ADGRG2: variants seen among roughly 807,000 people sequenced by gnomAD.
ADGRG2 encodes G protein-coupled receptor 64.
A neutral mutation model predicts 74.1 loss-of-function variants in ADGRG2; 26 were observed. The ratio of observed to expected loss-of-function variants is 0.35; its 90% CI spans 0.26 to 0.49. The LOEUF (loss-of-function observed/expected upper bound fraction) is 0.49. Ranked by LOEUF, ADGRG2 falls within the 20% of genes least tolerant of loss-of-function variation. The probability of loss-of-function intolerance (pLI) is 0.99; values close to 1 mark genes in which losing one functional copy is unlikely to be tolerated. For synonymous variants in ADGRG2, 296 were observed against 295.2 expected (o/e 1.00, Z -0.03); for missense variants, 619 against 763.1 (o/e 0.81, Z 2.22).
intron 1 of ADGRG2, among the ~76,000 whole-genome samples, chrX:19,107,875 C>A (rs1476567840): frequency 1.9e-5 from 2 of 107,921 alleles, no homozygotes; most frequent in Admixed American, 2.0e-4. Flanking sequence ...CTGAGGCGGG[C>A]GGATCACAAA....
chrX:19,068,739 G>A lies in ADGRG2; in HGVS notation c.96C>T (p.Val32=), dbSNP rs777426286. The change falls in exon 3 of 29, where the codon GTC becomes GTT. Residue 32 remains valine, a synonymous_variant. Coordinates refer to ENST00000379869, the MANE Select transcript of ADGRG2 (RefSeq NM_001079858.3). The part of the protein sequence containing the change: ...KIFLVIICLH[V]VLVTSLEEDT... ...TACCTTCCAGGGATGTTACCAGAACGACATGAAGACAAATGATGACAAGGA... is the reference window on the plus strand; with the variant it reads ...TACCTTCCAGGGATGTTACCAGAACAACATGAAGACAAATGATGACAAGGA... 9.2e-7 allele frequency: 1 copy of A among 1,083,792 alleles called. No individual in the cohort carries two copies. Among genetic ancestry groups the A allele is most frequent in the Admixed American group, 2.3e-5 (1 of 43,288 alleles). The allele number at this position is 1,083,792 out of a possible 1,213,427, so 89.3% of individuals were successfully genotyped here.
intron 3 of ADGRG2, among the ~76,000 whole-genome samples, chrX:19,043,462 GA>G (rs2061112789): frequency 8.9e-6 from 1 of 111,867 alleles, no homozygotes; most frequent in Admixed American, 9.5e-5. Context: ...CATAAACAAA[GA>G]AAGGAAAAAC....
At chrX:19,000,416 C>T (rs1322828043) in intron 24 of ADGRG2, among the ~76,000 whole-genome samples, 1 of 112,077 alleles carries the variant, frequency 8.9e-6, no homozygotes, top group Non-Finnish European at 1.9e-5. Context: ...CTCTTTGGCA[C>T]ATGACTGGAT....
chrX:19,022,575 A>T (rs1316009096), intron 13 of ADGRG2, among the ~76,000 whole-genome samples: 1 of 111,996 alleles, frequency 8.9e-6, no homozygotes, highest in African/African-American at 3.2e-5. Context: ...CGGTTTACAC[A>T]GCCAGGATAG....
At chrX:19,016,634 C>T (rs746832379) in intron 15 of ADGRG2, among the ~76,000 whole-genome samples, 6 of 107,706 alleles carry the variant, frequency 5.6e-5, no homozygotes, top group Non-Finnish European at 1.2e-4. Context: ...CATGCTGGTG[C>T]GCTGCACCCA....
chrX:19,085,292 C>T (rs748944993), intron 1 of ADGRG2, among the ~76,000 whole-genome samples: 5 of 111,546 alleles, frequency 4.5e-5, no homozygotes, highest in Non-Finnish European at 7.5e-5. Context: ...AATATATATA[C>T]GAGGACTTGT....
chrX:19,037,743 C>T, intron 4 of ADGRG2, 107 bp from the exon 5 acceptor site: 1 of 520,561 alleles, frequency 1.9e-6, no homozygotes, highest in South Asian at 3.4e-5. Context: ...AGAAAACACA[C>T]TAGCAGACCA....
At chrX:19,076,237 G>A (rs898505061) in intron 2 of ADGRG2, among the ~76,000 whole-genome samples, 6 of 111,701 alleles carry the variant, frequency 5.4e-5, no homozygotes, top group Admixed American at 3.8e-4. Context: ...GTTTGGATTG[G>A]GAATTCCAGG....
chrX:19,088,642 C>T (rs754817910), intron 1 of ADGRG2, among the ~76,000 whole-genome samples: 1 of 110,951 alleles, frequency 9.0e-6, no homozygotes, highest in African/African-American at 3.3e-5. Context: ...CACATGCCAC[C>T]ACACCCAGCT....
At chrX:19,114,398 T>C (rs1367773955) in intron 1 of ADGRG2, among the ~76,000 whole-genome samples, 15 of 111,352 alleles carry the variant, frequency 1.3e-4, no homozygotes, top group Non-Finnish European at 2.8e-4. Context: ...GCAGGCCATG[T>C]TGAAGGTCCA....
rs181316984 is a variant in ADGRG2 at position 19,029,472 on chromosome X, C to T, written c.359-1234G>A. 2.7e-3 allele frequency among the ~76,000 whole-genome samples: 296 copies of T among 111,169 alleles called. 2 individuals are homozygous for T. Among genetic ancestry groups the T allele is most frequent in the African/African-American group, 9.2e-3 (283 of 30,616 alleles). ...CAGCCTGACTCTTGGTCAGCTCCCA[C>T]TTTCTTCACCAGCCTCCATTTTCCT... On this transcript the variant is annotated intron_variant, in intron 9 of 28. Transcript: ENST00000379869.
intron 20 of ADGRG2, 116 bp downstream of exon 20, chrX:19,007,119 C>T: frequency 1.4e-6 from 1 of 720,376 alleles, no homozygotes; most frequent in Non-Finnish European, 2.1e-6. Flanking sequence ...GCAAACTACT[C>T]CAGCTGAGCT....
chrX:19,103,459 C>A (rs1046282969), intron 1 of ADGRG2, among the ~76,000 whole-genome samples: 1 of 111,785 alleles, frequency 8.9e-6, no homozygotes, highest in African/African-American at 3.2e-5. Flanking sequence ...GCTCTGCCTA[C>A]GGAGCAAACA....
chrX:19,104,476 G>A lies in ADGRG2; in HGVS notation c.-47+17966C>T, dbSNP rs747771870. 9.4e-4 allele frequency among the ~76,000 whole-genome samples: 105 copies of A among 112,036 alleles called. 1 individual carries two copies. Among genetic ancestry groups the A allele is most frequent in the Middle Eastern group, 4.6e-3 (1 of 216 alleles). On this transcript the variant is annotated intron_variant, in intron 1 of 28. Transcript: ENST00000379869. ...CAGCCATCTGACTGTTTGGTGTCAC[G>A]CAGACAAAATATCTAGATACTGGTG...
intron 25 of ADGRG2, 130 bp from the exon 26 acceptor site, chrX:18,999,409 A>C: frequency 1.8e-6 from 1 of 541,629 alleles, no homozygotes; most frequent in Non-Finnish European, 2.9e-6. Context: ...AAAAAATGAT[A>C]AAACTGCTAT....
chrX:19,026,885 T>C (rs1202087876), intron 11 of ADGRG2, among the ~76,000 whole-genome samples: 1 of 112,115 alleles, frequency 8.9e-6, no homozygotes, highest in Non-Finnish European at 1.9e-5. Flanking sequence ...CTCTGACTTA[T>C]GAATCACTGA....
chrX:19,094,195 T>C (rs773144278), intron 1 of ADGRG2, among the ~76,000 whole-genome samples: 2 of 110,409 alleles, frequency 1.8e-5, no homozygotes, highest in African/African-American at 6.6e-5. Flanking sequence ...TAGATGGACA[T>C]ACAGTATGGA....
At chrX:19,004,644 C>A in intron 23 of ADGRG2, 114 bp downstream of exon 23, 1 of 672,382 alleles carries the variant, frequency 1.5e-6, no homozygotes. Context: ...ATGGATGCTC[C>A]ACTAGCTGGG....
intron 3 of ADGRG2, among the ~76,000 whole-genome samples, chrX:19,050,824 T>C (rs914087813): frequency 4.5e-5 from 5 of 111,683 alleles, no homozygotes; most frequent in African/African-American, 9.8e-5. Context: ...GCAATTCCGA[T>C]GTGAAAAGAA....
Sources: allele counts gnomAD v4.1 joint callset (sites outside exome capture counted in the v4.1 genomes callset), GRCh38; gene constraint gnomAD v4.1.1; transcripts MANE v1.5; gene names NCBI Gene and HGNC (gene_info 2026-07-23, HGNC 2026-07-21).